CASR: variants seen among roughly 807,000 people sequenced by gnomAD.
CASR encodes extracellular calcium-sensing receptor.
In CASR, 23 loss-of-function variants were observed where a neutral mutation model predicts 69.1. The observed-to-expected ratio is 0.33, with a 90% CI of 0.24 to 0.47. CASR has a LOEUF of 0.47. Among genes scored for constraint, CASR ranks in the 20% least tolerant of loss-of-function variants. The pLI, the probability that CASR is intolerant of heterozygous loss-of-function variation, is 1.00. For synonymous variants in CASR, 541 were observed against 544.7 expected (o/e 0.99, Z 0.10); for missense variants, 924 against 1,356.1 (o/e 0.68, Z 5.00).
At chr3:122,198,471 C>T (rs1381493715) in intron 1 of CASR, among the ~76,000 whole-genome samples, 1 of 152,068 alleles carries the variant, frequency 6.6e-6, no homozygotes, top group East Asian at 1.9e-4. Context: ...ATAAAAGTTG[C>T]AGACCAGAAT....
intron 6 of CASR, 124 bp downstream of exon 6, chr3:122,282,360 A>C: frequency 1.1e-6 from 1 of 919,424 alleles, no homozygotes; most frequent in Non-Finnish European, 1.8e-6. Context: ...TAACAAAGGT[A>C]TATCTGAGCA....
At position 122,221,010 on chromosome 3, in the gene CASR, G is replaced by A. The variant is rs2074164481; in HGVS notation, c.-242-32938G>A. 2.0e-5 allele frequency among the ~76,000 whole-genome samples: 3 copies of A among 152,068 alleles called. No homozygotes were observed. The South Asian group carries it at 6.2e-4, about 32-fold the overall frequency. ...CTTTGATAAATGTTTGTTTATGTCT[G>A]ACCACTTCATCTTGCCTTCCTCCAG... On this transcript the variant is annotated intron_variant, in intron 1 of 6. Transcript: ENST00000639785.
At chr3:122,257,902 A>G (rs1403067544) in intron 3 of CASR, among the ~76,000 whole-genome samples, 1 of 152,210 alleles carries the variant, frequency 6.6e-6, no homozygotes, top group African/African-American at 2.4e-5. Flanking sequence ...AGAAAATTCT[A>G]TTTCATTCAA....
At chr3:122,283,500 C>G (rs1489736601) in intron 6 of CASR, among the ~76,000 whole-genome samples, 187 bp from the exon 7 acceptor site, 3 of 152,080 alleles carry the variant, frequency 2.0e-5, no homozygotes, top group African/African-American at 7.2e-5. Context: ...TGAAATTAAC[C>G]ATGTTATTAA....
intron 1 of CASR, among the ~76,000 whole-genome samples, chr3:122,234,122 T>C (rs751360530): frequency 6.6e-6 from 1 of 152,220 alleles, no homozygotes; most frequent in Non-Finnish European, 1.5e-5. Flanking sequence ...CATGGAAATG[T>C]CCAGTTCATG....
At chr3:122,245,945 C>G (rs1468137120) in intron 1 of CASR, among the ~76,000 whole-genome samples, 1 of 152,138 alleles carries the variant, frequency 6.6e-6, no homozygotes. Flanking sequence ...TGTGCACTGA[C>G]AAATCGGGGG....
intron 1 of CASR, among the ~76,000 whole-genome samples, chr3:122,241,441 A>G (rs1199135755): frequency 1.3e-5 from 2 of 152,146 alleles, no homozygotes; most frequent in Admixed American, 1.3e-4. Context: ...AGAAATAGAT[A>G]AATTAATTGA....
chr3:122,257,878 C>T (rs1387546643), intron 3 of CASR, among the ~76,000 whole-genome samples: 1 of 152,214 alleles, frequency 6.6e-6, no homozygotes, highest in Admixed American at 6.5e-5. Context: ...TTGTGTTGCA[C>T]ATTCCAGAAA....
At chr3:122,219,995 G>A (rs938158138) in intron 1 of CASR, among the ~76,000 whole-genome samples, 1 of 152,206 alleles carries the variant, frequency 6.6e-6, no homozygotes, top group Non-Finnish European at 1.5e-5. Flanking sequence ...TTTCAGCTCA[G>A]TTGCTGCTGT....
intron 5 of CASR, among the ~76,000 whole-genome samples, chr3:122,280,777 G>A (rs2074878827): frequency 2.0e-5 from 3 of 152,132 alleles, no homozygotes; most frequent in Admixed American, 2.0e-4. Flanking sequence ...GTGTTTGTAA[G>A]ACATCTTACA....
At chr3:122,276,928 A>G (rs2107644446) in intron 5 of CASR, among the ~76,000 whole-genome samples, 1 of 152,326 alleles carries the variant, frequency 6.6e-6, no homozygotes, top group Non-Finnish European at 1.5e-5. Context: ...CCTCTGTAAG[A>G]ACACAGATCC....
At chr3:122,230,463 G>A (rs1225094216) in intron 1 of CASR, among the ~76,000 whole-genome samples, 2 of 152,234 alleles carry the variant, frequency 1.3e-5, no homozygotes, top group African/African-American at 2.4e-5. Context: ...AGCGGGGGCG[G>A]GGATGCTGCT....
chr3:122,253,918 T>G, intron 1 of CASR, 30 bp from the exon 2 acceptor site: 1 of 477,168 alleles, frequency 2.1e-6, no homozygotes, highest in African/African-American at 2.0e-5. Flanking sequence ...GAGGTTTAGC[T>G]GAATCCATTT....
chr3:122,191,000 T>G (rs563835411), intron 1 of CASR, among the ~76,000 whole-genome samples: 2 of 152,248 alleles, frequency 1.3e-5, no homozygotes, highest in Non-Finnish European at 2.9e-5. Context: ...CTTCTCAAGA[T>G]TCAGCTGCCT....
chr3:122,207,906 C>T (rs1309311633), intron 1 of CASR, among the ~76,000 whole-genome samples: 1 of 152,106 alleles, frequency 6.6e-6, no homozygotes, highest in Non-Finnish European at 1.5e-5. Context: ...TGTTGATTTT[C>T]TCTGTGAATG....
Position 122,262,323 on chromosome 3 carries a change from G to T in CASR, c.1288G>T (p.Ala430Ser), listed in dbSNP as rs201520875. The T allele has an allele frequency of 3.1e-6, 5 of 1,613,844 alleles. No individual in the cohort carries two copies. Among genetic ancestry groups the T allele is most frequent in the South Asian group, 1.1e-5 (1 of 91,090 alleles). The part of the protein sequence containing the change: ...VYLAVYSIAH[A>S]LQDIYTCLPG... The stretch of plus-strand genomic sequence containing the variant: ...CTTAGCAGTCTACTCCATTGCCCAC[G>T]CCTTGCAAGATATATATACCTGCTT... Residue 430 changes from alanine (A) to serine (S), a missense_variant, in exon 4 of 7, where the codon GCC becomes TCC. By Grantham distance (99) the Ala-to-Ser change is moderately conservative (BLOSUM62 1). This residue lies in a region of CASR where 310 missense variants were observed against 395.7 expected (regional missense o/e 0.78). Coordinates refer to ENST00000639785, the MANE Select transcript of CASR (RefSeq NM_000388.4).
chr3:122,258,941 G>T (rs1275048377), intron 3 of CASR, among the ~76,000 whole-genome samples: 1 of 152,124 alleles, frequency 6.6e-6, no homozygotes, highest in Non-Finnish European at 1.5e-5. Flanking sequence ...GCCCTGCCGG[G>T]TGAGGTCATG....
At chr3:122,268,073 G>T (rs2074714226) in intron 4 of CASR, among the ~76,000 whole-genome samples, 1 of 152,232 alleles carries the variant, frequency 6.6e-6, no homozygotes, top group South Asian at 2.1e-4. Flanking sequence ...AAGCCAGACT[G>T]AGTTGGTTTA....
intron 1 of CASR, among the ~76,000 whole-genome samples, chr3:122,188,179 G>C (rs1466465874): frequency 6.6e-6 from 1 of 152,194 alleles, no homozygotes; most frequent in Non-Finnish European, 1.5e-5. Flanking sequence ...TTGGAACAAA[G>C]TAAATATTTA....
Sources: allele counts gnomAD v4.1 joint callset (sites outside exome capture counted in the v4.1 genomes callset), GRCh38; gene constraint gnomAD v4.1.1; regional missense constraint gnomAD v4.1.1; transcripts MANE v1.5; gene names NCBI Gene and HGNC (gene_info 2026-07-23, HGNC 2026-07-21).